The following CHD4 variants were observed in gnomAD, a reference collection of about 807,000 sequenced individuals.
CHD4 encodes the protein chromodomain helicase DNA binding protein 4, also known as ATP-dependent chromatin remodeler CHD4.
In CHD4, 35 loss-of-function variants were observed where a neutral mutation model predicts 235.5. That is an observed-to-expected ratio of 0.15 (90% CI 0.11 to 0.20). The LOEUF (loss-of-function observed/expected upper bound fraction) is 0.20, where lower values mean the gene tolerates loss of function less well. CHD4 is among the 10% of genes least tolerant of loss of function. The pLI is 1.00. For missense variants in CHD4, 1,329 were observed against 2,432.3 expected, an observed-to-expected ratio of 0.55 and a Z score of 9.54; for synonymous variants, 900 against 850.2, an observed-to-expected ratio of 1.06 and a Z score of -1.02.
At chr12:6,579,309 G>T (rs1034942873) in intron 33 of CHD4, 4 of 264,628 alleles carry the variant, frequency 1.5e-5, no homozygotes, top group Non-Finnish European at 3.0e-5. Context: ...AATTAGCCAG[G>T]CGTGGTGGCT....
chr12:6,596,037 C>A lies in CHD4; in HGVS notation c.1993G>T (p.Asp665Tyr). 6.2e-7 allele frequency: 1 copy of A among 1,613,732 alleles called. No homozygotes were observed. The highest frequency in any genetic ancestry group is 2.2e-5 in the East Asian group (1 of 44,836). Residue 665 changes from aspartate (D) to tyrosine (Y), a missense_variant, in exon 13 of 40, where the codon GAC becomes TAC. Asp to Tyr is a radical substitution (Grantham distance 160). Transcript: ENST00000544040. ...ESEDVEIQDY[D>Y]LFKQSYWNHR... is the part of the protein sequence containing the mutation. ...TTCCAATAGCTCTGCTTGAACAGGTCGTAATCCTGGATCTCCACATCCTCA... is the reference window on the plus strand; with the variant it reads ...TTCCAATAGCTCTGCTTGAACAGGTAGTAATCCTGGATCTCCACATCCTCA...
At chr12:6,600,111 C>T in intron 9 of CHD4, 99 bp from the exon 10 acceptor site, 2 of 1,575,284 alleles carry the variant, frequency 1.3e-6, no homozygotes, top group Non-Finnish European at 1.7e-6. Flanking sequence ...CCAAAGCTCA[C>T]AACCCGCAGC....
chr12:6,589,628 G>C (rs538079870), intron 22 of CHD4, among the ~76,000 whole-genome samples: 26 of 151,780 alleles, frequency 1.7e-4, no homozygotes, highest in African/African-American at 5.6e-4. Flanking sequence ...TTAGCCGGGC[G>C]TGGTGGCGGG....
intron 12 of CHD4, among the ~76,000 whole-genome samples, chr12:6,597,480 A>G (rs1268720876): frequency 6.6e-6 from 1 of 151,804 alleles, no homozygotes; most frequent in East Asian, 1.9e-4. Context: ...TAAATATATA[A>G]GGCTGAGCGT....
intron 22 of CHD4, among the ~76,000 whole-genome samples, chr12:6,590,815 C>A (rs145892046): frequency 8.2e-4 from 124 of 152,122 alleles, no homozygotes; most frequent in Non-Finnish European, 1.5e-3. Context: ...CAGAGTGAGA[C>A]CCTATCTCGA....
intron 13 of CHD4, 79 bp downstream of exon 13, chr12:6,595,927 C>T (rs940477221): frequency 6.1e-6 from 9 of 1,484,016 alleles, no homozygotes; most frequent in East Asian, 2.3e-5. Context: ...CACTGCACTA[C>T]AGCTTGGTGA....
intron 34 of CHD4, 21 bp downstream of exon 34, chr12:6,578,825 T>C: frequency 6.2e-7 from 1 of 1,612,554 alleles, no homozygotes; most frequent in Non-Finnish European, 8.5e-7. Context: ...TGAACCACAA[T>C]CAACTTCTCC....
In CHD4 at chr12:6,570,646, C is replaced by T. The variant is rs375386448; in HGVS notation, c.*30G>A. ...AGAGAAAGTGAGGAAGGTCACTGCT[C>T]AGCGGTGGAGGTGGTATCAGTCTGC... On this transcript the variant is annotated 3_prime_UTR_variant, in exon 40 of 40. Coordinates refer to ENST00000544040, the MANE Select transcript of CHD4 (RefSeq NM_001273.5). The T allele has an allele frequency of 2.5e-6, 4 of 1,613,942 alleles. No individual in the cohort carries two copies. The highest frequency in any genetic ancestry group is 3.4e-6 in the Non-Finnish European group (4 of 1,179,978).
At chr12:6,588,479 T>C (rs1053373336) in intron 22 of CHD4, 57 bp from the exon 23 acceptor site, 2 of 1,590,326 alleles carry the variant, frequency 1.3e-6, no homozygotes, top group East Asian at 4.5e-5. Context: ...AATTCATAAA[T>C]GTAGTTTAAA....
chr12:6,580,958 GATCGCGCCAC>G, intron 33 of CHD4, 76 bp downstream of exon 33: 1 of 1,497,852 alleles, frequency 6.7e-7, no homozygotes. Context: ...AGTAAGCCAA[GATCGCGCCAC>G]AGCACTCCAG....
intron 38 of CHD4, chr12:6,571,732 G>T (rs1183452311): frequency 2.5e-5 from 2 of 79,796 alleles, no homozygotes; most frequent in Non-Finnish European, 4.3e-5. Context: ...AGGCAGAGGC[G>T]GTGGATCACC....
chr12:6,588,091 C>T (rs1016155541), intron 23 of CHD4, 142 bp from the exon 24 acceptor site: 50 of 1,101,308 alleles, frequency 4.5e-5, no homozygotes, highest in Non-Finnish European at 5.5e-5. Flanking sequence ...GCACCCCTGC[C>T]TCCAGACACC....
At chr12:6,605,950 C>CAG (rs1394196784) in intron 2 of CHD4, among the ~76,000 whole-genome samples, 3 of 152,192 alleles carry the variant, frequency 2.0e-5, no homozygotes, top group Non-Finnish European at 4.4e-5. Flanking sequence ...CCACAAGCCT[C>CAG]CAGGGGTCCC....
intron 37 of CHD4, among the ~76,000 whole-genome samples, chr12:6,574,057 T>C (rs1332821237): frequency 1.3e-5 from 2 of 152,166 alleles, no homozygotes; most frequent in Non-Finnish European, 1.5e-5. Flanking sequence ...TAAAAATATT[T>C]TTGTTTTTTA....
chr12:6,601,306 T>C lies in CHD4; in HGVS notation c.782A>G (p.Lys261Arg). 1 of 1,614,096 alleles carries C rather than the reference T, an allele frequency of 6.2e-7. No homozygotes were observed. The highest frequency in any genetic ancestry group is 1.1e-5 in the South Asian group (1 of 91,088). The change falls in exon 6 of 40, where the codon AAG becomes AGG. Residue 261 changes from lysine (K) to arginine (R), a missense_variant. Lys to Arg is a conservative substitution (Grantham distance 26, BLOSUM62 2). Transcript: ENST00000544040. ...PPVEVPIRKA[K>R]TKEGKGPNAR... ...CATTTCACCTTTGCCCTCCTTGGTC[T>C]TGGCCTTGCGGATAGGCACCTCCAC...
intron 6 of CHD4, 37 bp from the exon 7 acceptor site, chr12:6,601,090 C>A (rs373803693): frequency 2.6e-6 from 4 of 1,530,104 alleles, no homozygotes; most frequent in Middle Eastern, 1.8e-4. Context: ...TACCACAAGA[C>A]CAAAGATGGG....
intron 2 of CHD4, among the ~76,000 whole-genome samples, chr12:6,606,014 G>A (rs115214161): frequency 7.9e-5 from 12 of 152,268 alleles, no homozygotes; most frequent in African/African-American, 2.9e-4. Flanking sequence ...TGCCAGCCCA[G>A]AGAGCTCCCT....
At chr12:6,595,124 CT>C (rs1027831060) in intron 14 of CHD4, among the ~76,000 whole-genome samples, 152 of 147,800 alleles carry the variant, frequency 1.0e-3, no homozygotes, top group Admixed American at 2.0e-3. Context: ...AATATACCTC[CT>C]TTTTTTTTTT....
chr12:6,578,678 G>A (rs764940961), intron 34 of CHD4, 132 bp from the exon 35 acceptor site: 2 of 1,463,374 alleles, frequency 1.4e-6, no homozygotes, highest in African/African-American at 1.4e-5. Context: ...CTCAGACCCA[G>A]AAAATGGTGC....
Sources: gnomAD v4.1 joint callset for allele counts (sites outside exome capture counted in the v4.1 genomes callset) on GRCh38, gnomAD v4.1.1 for gene constraint, MANE v1.5 for transcripts, NCBI Gene and HGNC (gene_info 2026-07-23, HGNC 2026-07-21) for gene names.